The following SCNN1G variants were observed in gnomAD, a reference collection of about 807,000 sequenced individuals.
The protein encoded by SCNN1G is epithelial sodium channel subunit gamma.
SCNN1G carries 27 observed loss-of-function variants against 64.6 expected under a neutral mutation model. The ratio of observed to expected loss-of-function variants is 0.42; its 90% CI spans 0.31 to 0.58. The LOEUF (loss-of-function observed/expected upper bound fraction) is 0.58. Among genes scored for constraint, SCNN1G ranks in the 20% least tolerant of loss-of-function variants. SCNN1G has a pLI of 0.18. For synonymous variants in SCNN1G, 330 were observed against 314.2 expected (o/e 1.05, Z -0.53); for missense variants, 743 against 823.4 (o/e 0.90, Z 1.19).
At chr16:23,204,334 T>TAGAGAGAGAGAGAGAGAGAG (rs755322105) in intron 6 of SCNN1G, among the ~76,000 whole-genome samples, 1 of 15,176 alleles carries the variant, frequency 6.6e-5, no homozygotes, top group Non-Finnish European at 1.1e-4. Context: ...TATATATATA[T>TAGAGAGAGAGAGAGAGAGAG]AGAGAGAGAG....
At chr16:23,200,868 C>G (rs12924188) in intron 6 of SCNN1G, among the ~76,000 whole-genome samples, 28,812 of 152,112 alleles carry the variant, frequency 0.19, 3,004 homozygotes, top group Middle Eastern at 0.27. Context: ...CAGATGAAAT[C>G]TGGGGCTTCA....
At chr16:23,195,107 T>G (rs1035581763) in intron 5 of SCNN1G, 1 of 152,178 alleles carries the variant, frequency 6.6e-6, no homozygotes, top group Admixed American at 6.5e-5. Flanking sequence ...AGCCCCCTGC[T>G]TGTGACTTCC....
intron 6 of SCNN1G, among the ~76,000 whole-genome samples, chr16:23,198,202 G>A (rs1282610522): frequency 6.6e-6 from 1 of 152,088 alleles, no homozygotes; most frequent in Non-Finnish European, 1.5e-5. Context: ...GACCTTTGTG[G>A]ACCTCATTGG....
At chr16:23,193,184 A>C (rs112220882) in intron 4 of SCNN1G, among the ~76,000 whole-genome samples, 1 of 151,730 alleles carries the variant, frequency 6.6e-6, no homozygotes, top group Admixed American at 6.6e-5. Context: ...GTATATTACC[A>C]TCATGCATAC....
rs139176301 is a variant in SCNN1G, at chr16:23,212,891, G to A, written c.1428G>A (p.Ser476=). Residue 476 remains serine (S), a synonymous_variant, in exon 10 of 13, where the codon TCG becomes TCA. Coordinates refer to ENST00000300061, the MANE Select transcript of SCNN1G (RefSeq NM_001039.4). The part of the protein sequence containing the change: ...TSLAQWPSVV[S]EKWLLPVLTW... ...TGGCACAATGGCCATCTGTGGTTTC[G>A]GAGGTAAGTTCTTCTGCCCACCCTT... is the stretch of plus-strand genomic sequence containing the variant. 1.4e-4 allele frequency: 229 copies of A among 1,613,778 alleles called. No individual in the cohort carries two copies. The highest frequency in any genetic ancestry group is 5.5e-4 in the South Asian group (50 of 91,070).
rs79096655 is a variant in SCNN1G, at chr16:23,183,628, G to A, written c.-45+815G>A. Among the ~76,000 whole-genome samples the A allele has an allele frequency of 9.0e-3, 1,370 of 152,294 alleles. 11 individuals carry two copies. Among genetic ancestry groups the A allele is most frequent in the African/African-American group, 0.016 (656 of 41,558 alleles). ...ATCCTTTCTACCTGTGTGGTCTTGG[G>A]CAAATTACCTAACCTCTGTGCCTCA... is the stretch of plus-strand genomic sequence containing the variant. On this transcript the variant is annotated intron_variant, in intron 1 of 12. Transcript: ENST00000300061.
Position 23,194,239 on chromosome 16 carries a change from C to A in SCNN1G, c.878C>A (p.Thr293Asn). The change falls in exon 5 of 13, where the codon ACC (threonine) becomes AAC (asparagine). Residue 293 changes from threonine to asparagine, a missense_variant. Coordinates refer to ENST00000300061, the MANE Select transcript of SCNN1G (RefSeq NM_001039.4). ...ACTTTCAACAACAGAGAAAATGAGA[C>A]CATTCTCAGCACCTCCATGGGGGGC... The part of the protein sequence containing the change: ...CYTFNNRENE[T>N]ILSTSMGGSE... 6.2e-7 allele frequency: 1 copy of A among 1,613,586 alleles called. No homozygotes were observed. Among genetic ancestry groups the A allele is most frequent in the Non-Finnish European group, 8.5e-7 (1 of 1,179,548 alleles).
In SCNN1G at chr16:23,209,830, C is replaced by T. The variant is rs770495517; in HGVS notation, c.1158C>T (p.Asn386=). The T allele has an allele frequency of 2.5e-5, 40 of 1,613,306 alleles. No homozygotes were observed. Among genetic ancestry groups the T allele is most frequent in the Non-Finnish European group, 3.1e-5 (37 of 1,179,332 alleles). The part of the protein sequence containing the change: ...GSDVPIRNIY[N]AAYSLQICLH... The stretch of plus-strand genomic sequence containing the variant: ...ACGTGCCAATCAGGAACATCTACAA[C>T]GCTGCCTACTCGCTCCAGGTAACAG... The change falls in exon 7 of 13, where the codon AAC becomes AAT. Residue 386 remains asparagine, a synonymous_variant. Coordinates refer to ENST00000300061, the MANE Select transcript of SCNN1G (RefSeq NM_001039.4).
Position 23,214,698 on chromosome 16 carries a change from T to C in SCNN1G, c.1494-14T>C. ...GATGCCAAGGCTCTTGATTCACCTGTTGGAATTTTGCAGGACAGACTTGGC... is the reference window on the plus strand; with the variant it reads ...GATGCCAAGGCTCTTGATTCACCTGCTGGAATTTTGCAGGACAGACTTGGC... On this transcript the variant is annotated splice_polypyrimidine_tract_variant and intron_variant, in intron 11 of 12. Transcript: ENST00000300061. The C allele has an allele frequency of 3.1e-6, 5 of 1,609,082 alleles. No individual in the cohort carries two copies. The highest frequency in any genetic ancestry group is 4.3e-6 in the Non-Finnish European group (5 of 1,175,446).
intron 3 of SCNN1G, 149 bp from the exon 4 acceptor site, chr16:23,192,203 G>A (rs972987494): frequency 1.0e-4 from 74 of 711,304 alleles, no homozygotes; most frequent in Non-Finnish European, 1.5e-4. Flanking sequence ...CCAACCCCTA[G>A]AAGTGAGAGG....
chr16:23,185,492 C>A (rs2141926640), intron 1 of SCNN1G, among the ~76,000 whole-genome samples: 1 of 152,318 alleles, frequency 6.6e-6, no homozygotes, highest in Non-Finnish European at 1.5e-5. Context: ...CAAGGGCATT[C>A]TCTAAATTAA....
At chr16:23,204,322 TATATATATATATAGAGAG>T (rs1482777557) in intron 6 of SCNN1G, among the ~76,000 whole-genome samples, 16 of 75,354 alleles carry the variant, frequency 2.1e-4, no homozygotes, top group Non-Finnish European at 3.1e-4. Flanking sequence ...TATATATATA[TATATATATATATAGAGAG>T]AGAGAGAGAG....
At chr16:23,212,278 T>TA in intron 8 of SCNN1G, 127 bp downstream of exon 8, 1 of 735,160 alleles carries the variant, frequency 1.4e-6, no homozygotes, top group East Asian at 2.6e-5. Context: ...TGAGAGCCAT[T>TA]AACTAGAGTT....
chr16:23,202,384 G>A (rs553145744), intron 6 of SCNN1G, among the ~76,000 whole-genome samples: 51 of 152,044 alleles, frequency 3.4e-4, no homozygotes, highest in African/African-American at 1.1e-3. Flanking sequence ...GAGTGGGTGC[G>A]TGGGTAGGTG....
At chr16:23,214,288 C>T (rs539972819) in intron 11 of SCNN1G, among the ~76,000 whole-genome samples, 9 of 152,322 alleles carry the variant, frequency 5.9e-5, no homozygotes, top group South Asian at 2.1e-4. Flanking sequence ...AAAGTTCTTA[C>T]GACAGTGCTT....
At chr16:23,208,104 C>G (rs1181480871) in intron 6 of SCNN1G, among the ~76,000 whole-genome samples, 1 of 152,216 alleles carries the variant, frequency 6.6e-6, no homozygotes, top group Non-Finnish European at 1.5e-5. Context: ...CTCCCACCCC[C>G]ATTTTTGCTT....
At chr16:23,210,614 C>A (rs987643351) in intron 7 of SCNN1G, among the ~76,000 whole-genome samples, 3 of 152,144 alleles carry the variant, frequency 2.0e-5, no homozygotes, top group Non-Finnish European at 4.4e-5. Flanking sequence ...TCACCTCCTA[C>A]CAGGATACCC....
rs961274250 is a variant in SCNN1G, at chr16:23,215,659, A to G, written c.*190A>G. 3.1e-6 allele frequency: 2 copies of G among 644,296 alleles called. No homozygotes were observed. Among genetic ancestry groups the G allele is most frequent in the African/African-American group, 1.8e-5 (1 of 55,080 alleles). The allele number at this position is 644,296 out of a possible 1,614,324, so 39.9% of individuals were successfully genotyped here. On this transcript the variant is annotated 3_prime_UTR_variant, in exon 13 of 13. Transcript: ENST00000300061. ...TGCGCAGGAGGAGCCATCGGGTACT[A>G]CGCAGCAACACTCACAACTGTCCAG...
intron 8 of SCNN1G, 65 bp downstream of exon 8, chr16:23,212,216 G>A: frequency 9.8e-7 from 1 of 1,015,414 alleles, no homozygotes. Flanking sequence ...CCTGGCAATA[G>A]GCACTCCTGG....
Sources: gnomAD v4.1 joint callset for allele counts (sites outside exome capture counted in the v4.1 genomes callset) on GRCh38, gnomAD v4.1.1 for gene constraint, MANE v1.5 for transcripts, NCBI Gene and HGNC (gene_info 2026-07-23, HGNC 2026-07-21) for gene names.